The following CNTN4 variants were observed in gnomAD, a reference collection of about 807,000 sequenced individuals.
CNTN4 encodes contactin 4.
CNTN4 carries 77 observed loss-of-function variants against 122.5 expected under a neutral mutation model. That is an observed-to-expected ratio of 0.63 (90% CI 0.52 to 0.76). The LOEUF (loss-of-function observed/expected upper bound fraction) is 0.76. CNTN4 is among the 30% of genes least tolerant of loss of function. The pLI is 0.00. For synonymous variants in CNTN4, 512 were observed against 447.0 expected (o/e 1.15, Z -1.83); for missense variants, 1,256 against 1,259.1 (o/e 1.00, Z 0.04).
intron 9 of CNTN4, among the ~76,000 whole-genome samples, chr3:2,884,365 G>C (rs1235093726): frequency 6.6e-6 from 1 of 152,002 alleles, no homozygotes; most frequent in Non-Finnish European, 1.5e-5. Context: ...AGGTTGTTTT[G>C]GTTTCCATGT....
At chr3:2,415,515 A>C (rs1178286352) in intron 3 of CNTN4, among the ~76,000 whole-genome samples, 1 of 152,198 alleles carries the variant, frequency 6.6e-6, no homozygotes, top group Non-Finnish European at 1.5e-5. Flanking sequence ...ACAGGGATGT[A>C]ATGGGTCATT....
At chr3:2,509,847 T>C (rs2076833965) in intron 3 of CNTN4, among the ~76,000 whole-genome samples, 1 of 152,122 alleles carries the variant, frequency 6.6e-6, no homozygotes, top group Non-Finnish European at 1.5e-5. Flanking sequence ...GAAAGTAAGA[T>C]GGAGAAATCC....
chr3:2,442,171 G>T (rs541413534), intron 3 of CNTN4, among the ~76,000 whole-genome samples: 5 of 152,218 alleles, frequency 3.3e-5, no homozygotes, highest in African/African-American at 9.6e-5. Context: ...GTAACCTTGT[G>T]AAAAAGCACA....
intron 4 of CNTN4, among the ~76,000 whole-genome samples, chr3:2,620,680 T>C (rs1426188272): frequency 6.6e-6 from 1 of 152,170 alleles, no homozygotes; most frequent in Admixed American, 6.5e-5. Flanking sequence ...GTGAAGAATC[T>C]CTTTACACAA....
At chr3:2,848,261 A>G (rs537967404) in intron 7 of CNTN4, among the ~76,000 whole-genome samples, 1 of 152,164 alleles carries the variant, frequency 6.6e-6, no homozygotes, top group African/African-American at 2.4e-5. Context: ...AAATGTTAGC[A>G]TAGGCTTTTA....
intron 13 of CNTN4, among the ~76,000 whole-genome samples, chr3:2,969,410 C>T (rs1184721108): frequency 6.6e-6 from 1 of 152,088 alleles, no homozygotes; most frequent in African/African-American, 2.4e-5. Context: ...TATCTTTGGC[C>T]ATGTCTGTGT....
chr3:2,459,216 T>C (rs1429986338), intron 3 of CNTN4, among the ~76,000 whole-genome samples: 1 of 152,178 alleles, frequency 6.6e-6, no homozygotes, highest in African/African-American at 2.4e-5. Flanking sequence ...CAATGGGGAA[T>C]GTTCCTTTGG....
At chr3:2,361,816 A>G (rs577067151) in intron 3 of CNTN4, among the ~76,000 whole-genome samples, 159 of 152,330 alleles carry the variant, frequency 1.0e-3, no homozygotes, top group African/African-American at 3.7e-3. Flanking sequence ...GGCCCTGCGA[A>G]TCTGTGAGGG....
chr3:2,835,020 T>C lies in CNTN4; in HGVS notation c.454+15439T>C, dbSNP rs1375485949. Reference sequence around the variant, plus strand: ...CCCGGGTTCACACCATTCTCCTGCTTCAGCCTTCCCAGTAGCTGGGACTAC... The same window carrying C: ...CCCGGGTTCACACCATTCTCCTGCTCCAGCCTTCCCAGTAGCTGGGACTAC... On this transcript the variant is annotated intron_variant, in intron 7 of 24. Coordinates refer to ENST00000418658, the MANE Select transcript of CNTN4 (RefSeq NM_175607.3). 3.3e-5 allele frequency among the ~76,000 whole-genome samples: 5 copies of C among 150,826 alleles called. No homozygotes were observed. In the East Asian group the frequency reaches 1.0e-3, roughly 31 times the overall value.
intron 18 of CNTN4, 52 bp from the exon 19 acceptor site, chr3:3,038,881 C>T: frequency 2.0e-6 from 3 of 1,510,256 alleles, no homozygotes; most frequent in Non-Finnish European, 2.8e-6. Context: ...CCTTCCTGGC[C>T]CTCATTCGCC....
chr3:2,730,045 C>T (rs1204107403), intron 4 of CNTN4, among the ~76,000 whole-genome samples: 3 of 152,202 alleles, frequency 2.0e-5, no homozygotes, highest in East Asian at 1.9e-4. Context: ...TGTTAACAAG[C>T]ACTCTTAGCT....
intron 3 of CNTN4, among the ~76,000 whole-genome samples, chr3:2,500,658 G>A (rs1043593486): frequency 4.0e-5 from 6 of 151,896 alleles, no homozygotes; most frequent in Non-Finnish European, 7.4e-5. Context: ...CCTTTTCAAT[G>A]TTCAGTATGT....
At chr3:2,531,111 T>A (rs986932683) in intron 3 of CNTN4, among the ~76,000 whole-genome samples, 1 of 152,180 alleles carries the variant, frequency 6.6e-6, no homozygotes, top group African/African-American at 2.4e-5. Flanking sequence ...AGAGTCAATA[T>A]GTTTGATGAC....
intron 3 of CNTN4, among the ~76,000 whole-genome samples, chr3:2,444,068 A>G (rs576093975): frequency 1.3e-5 from 2 of 152,224 alleles, no homozygotes; most frequent in South Asian, 2.1e-4. Flanking sequence ...CTTCATGGCA[A>G]TGTAATTTTG....
intron 3 of CNTN4, among the ~76,000 whole-genome samples, chr3:2,435,399 G>C (rs2048224583): frequency 6.6e-6 from 1 of 152,088 alleles, no homozygotes; most frequent in South Asian, 2.1e-4. Context: ...TATGTAAATA[G>C]TTGTTGTACC....
intron 2 of CNTN4, among the ~76,000 whole-genome samples, chr3:2,224,872 C>T (rs956150245): frequency 6.6e-6 from 1 of 152,112 alleles, no homozygotes; most frequent in Non-Finnish European, 1.5e-5. Flanking sequence ...AGGTTTGGGT[C>T]GGGCGCGGTG....
intron 14 of CNTN4, among the ~76,000 whole-genome samples, chr3:3,009,889 G>A (rs1559784796): frequency 6.6e-6 from 1 of 152,100 alleles, no homozygotes; most frequent in Non-Finnish European, 1.5e-5. Context: ...CTAAGAACTG[G>A]GCCATTTCCT....
At chr3:2,649,651 C>T (rs2083277827) in intron 4 of CNTN4, among the ~76,000 whole-genome samples, 1 of 152,148 alleles carries the variant, frequency 6.6e-6, no homozygotes, top group Non-Finnish European at 1.5e-5. Flanking sequence ...TATATTGTTA[C>T]CCTTCCAGCT....
intron 4 of CNTN4, among the ~76,000 whole-genome samples, chr3:2,728,396 A>G (rs2088392178): frequency 6.6e-6 from 1 of 152,188 alleles, no homozygotes; most frequent in Non-Finnish European, 1.5e-5. Flanking sequence ...CCTTCTTGGA[A>G]CATGCTGGTG....
Sources: gnomAD v4.1 joint callset for allele counts (sites outside exome capture counted in the v4.1 genomes callset) on GRCh38, gnomAD v4.1.1 for gene constraint, MANE v1.5 for transcripts, NCBI Gene and HGNC (gene_info 2026-07-23, HGNC 2026-07-21) for gene names.